The following SYN2 variants were observed in gnomAD, a reference collection of about 807,000 sequenced individuals.
SYN2 encodes synapsin-2.
Under a neutral mutation model 50.9 loss-of-function variants are expected in SYN2, and 19 were observed. That is an observed-to-expected ratio of 0.37 (90% CI 0.26 to 0.55). The LOEUF is 0.55. Among genes scored for constraint, SYN2 ranks in the 20% least tolerant of loss-of-function variants. The probability of loss-of-function intolerance (pLI) is 0.81; values close to 1 mark genes in which losing one functional copy is unlikely to be tolerated. For synonymous variants in SYN2, 255 were observed against 224.9 expected, an observed-to-expected ratio of 1.13 and a Z score of -1.20; for missense variants, 587 against 576.4, an observed-to-expected ratio of 1.02 and a Z score of -0.19.
chr3:12,065,467 G>C (rs1283029370), intron 1 of SYN2, among the ~76,000 whole-genome samples: 4 of 152,132 alleles, frequency 2.6e-5, no homozygotes, highest in Non-Finnish European at 5.9e-5. Context: ...CTCAACAGTG[G>C]ATTGGATAAA....
At chr3:12,054,472 G>A (rs1694944997) in intron 1 of SYN2, among the ~76,000 whole-genome samples, 1 of 152,156 alleles carries the variant, frequency 6.6e-6, no homozygotes, top group Non-Finnish European at 1.5e-5. Flanking sequence ...GGTGGCCCCT[G>A]AAGGCAGAGT....
At chr3:12,013,888 T>G (rs1181647974) in intron 1 of SYN2, among the ~76,000 whole-genome samples, 2 of 152,234 alleles carry the variant, frequency 1.3e-5, no homozygotes, top group Non-Finnish European at 2.9e-5. Flanking sequence ...CTGAACTGTT[T>G]GCACTTCCAT....
chr3:12,068,059 G>A (rs936811862), intron 1 of SYN2, among the ~76,000 whole-genome samples: 1 of 151,730 alleles, frequency 6.6e-6, no homozygotes, highest in African/African-American at 2.4e-5. Flanking sequence ...ACCTTGTCTC[G>A]AATGAATGAA....
intron 1 of SYN2, chr3:12,070,931 C>G: frequency 1.8e-6 from 1 of 554,766 alleles, no homozygotes; most frequent in South Asian, 1.5e-5. Context: ...ACCGCCGCAT[C>G]CTCCTCCTCT....
chr3:12,013,871 A>G (rs2125131821), intron 1 of SYN2, among the ~76,000 whole-genome samples: 1 of 152,182 alleles, frequency 6.6e-6, no homozygotes, highest in Admixed American at 6.5e-5. Context: ...TTCCTTTTCC[A>G]GCAATACTGA....
At chr3:12,189,378 T>C (rs369497512) in intron 12 of SYN2, among the ~76,000 whole-genome samples, 4 of 152,316 alleles carry the variant, frequency 2.6e-5, no homozygotes, top group East Asian at 1.9e-4. Flanking sequence ...TTGGATTTTC[T>C]CATTAGAAAA....
intron 1 of SYN2, among the ~76,000 whole-genome samples, chr3:12,097,778 C>G (rs1341089960): frequency 6.6e-6 from 1 of 152,126 alleles, no homozygotes; most frequent in Non-Finnish European, 1.5e-5. Context: ...CCCACATGTT[C>G]TCACTCATAG....
chr3:12,169,871 TCTC>T lies in SYN2; in HGVS notation c.1277_1279del (p.Pro426del), dbSNP rs1697899803. On this transcript the variant is annotated inframe_deletion, in exon 10 of 13. Coordinates refer to ENST00000621198, the MANE Select transcript of SYN2 (RefSeq NM_133625.6). ...GCTGCTGTCCAGGACTCCTGCCCTG[TCTC>T]CTCAGAGACCCCTAACAACCCAGCA... 6.2e-7 allele frequency: 1 copy of T among 1,612,368 alleles called. No individual in the cohort carries two copies. Among genetic ancestry groups the T allele is most frequent in the Non-Finnish European group, 8.5e-7 (1 of 1,179,246 alleles).
chr3:12,137,493 G>A (rs930000276), intron 1 of SYN2, among the ~76,000 whole-genome samples: 1 of 152,152 alleles, frequency 6.6e-6, no homozygotes, highest in African/African-American at 2.4e-5. Context: ...ATTTTTAAAT[G>A]TAAGCCATTG....
chr3:12,072,762 T>G (rs423745), intron 1 of SYN2, among the ~76,000 whole-genome samples: 1 of 152,006 alleles, frequency 6.6e-6, no homozygotes, highest in African/African-American at 2.4e-5. Context: ...TGTGAAGATA[T>G]TAATAATGGC....
At chr3:12,073,405 GGTATAAACCAGGCT>G (rs1326510406) in intron 1 of SYN2, among the ~76,000 whole-genome samples, 1 of 152,092 alleles carries the variant, frequency 6.6e-6, no homozygotes, top group Non-Finnish European at 1.5e-5. Context: ...GAGGTTCCAT[GGTATAAACCAGGCT>G]GCTTTTTCCC....
intron 5 of SYN2, chr3:12,157,381 G>T (rs760168371): frequency 6.2e-7 from 1 of 1,613,862 alleles, no homozygotes; most frequent in Non-Finnish European, 8.5e-7. Flanking sequence ...CTGCCCCCAT[G>T]TACCTTTATC....
chr3:12,015,807 C>T (rs1322446809), intron 1 of SYN2, among the ~76,000 whole-genome samples: 1 of 152,190 alleles, frequency 6.6e-6, no homozygotes, highest in Non-Finnish European at 1.5e-5. Flanking sequence ...GAGCTTTTCT[C>T]AAGTTCTAGG....
At chr3:12,101,664 A>G (rs1055814845) in intron 1 of SYN2, among the ~76,000 whole-genome samples, 2 of 152,184 alleles carry the variant, frequency 1.3e-5, no homozygotes, top group Non-Finnish European at 2.9e-5. Context: ...TAAAAAAGGG[A>G]TACAAGGAAG....
At chr3:12,067,554 CCTT>C (rs1208205934) in intron 1 of SYN2, among the ~76,000 whole-genome samples, 3 of 151,494 alleles carry the variant, frequency 2.0e-5, no homozygotes, top group Non-Finnish European at 2.9e-5. Context: ...TGCAGTTTCT[CCTT>C]CTCTGTTAAA....
At chr3:12,018,527 C>T (rs1694067355) in intron 1 of SYN2, among the ~76,000 whole-genome samples, 1 of 152,130 alleles carries the variant, frequency 6.6e-6, no homozygotes, top group Non-Finnish European at 1.5e-5. Flanking sequence ...ACTTGTTTTC[C>T]AAGGGCATTT....
chr3:12,186,955 C>G (rs987495970), intron 11 of SYN2, among the ~76,000 whole-genome samples: 9 of 152,198 alleles, frequency 5.9e-5, no homozygotes, highest in Non-Finnish European at 1.3e-4. Context: ...ATCCAGTGCT[C>G]TCTCCACCAC....
chr3:12,071,744 T>C (rs942274280), intron 1 of SYN2: 1 of 159,728 alleles, frequency 6.3e-6, no homozygotes, highest in East Asian at 1.9e-4. Flanking sequence ...CAGGACTTAG[T>C]GTTCTGGAAT....
intron 1 of SYN2, among the ~76,000 whole-genome samples, chr3:12,066,695 G>A (rs1053463999): frequency 6.6e-6 from 1 of 152,096 alleles, no homozygotes; most frequent in Non-Finnish European, 1.5e-5. Flanking sequence ...AGGTGGCATG[G>A]TACTCACATT....
Sources: gnomAD v4.1 joint callset for allele counts (sites outside exome capture counted in the v4.1 genomes callset) on GRCh38, gnomAD v4.1.1 for gene constraint, MANE v1.5 for transcripts, NCBI Gene and HGNC (gene_info 2026-07-23, HGNC 2026-07-21) for gene names.